RERG: variants seen among roughly 807,000 people sequenced by gnomAD.
RERG encodes ras-related and estrogen-regulated growth inhibitor.
In RERG, 25 loss-of-function variants were observed where a neutral mutation model predicts 23.2. That is an observed-to-expected ratio of 1.08 (90% CI 0.79 to 1.50). The LOEUF (loss-of-function observed/expected upper bound fraction) is 1.50. Among genes scored for constraint, RERG ranks in the 40% most tolerant of loss-of-function variants. The pLI is 0.00. For synonymous variants in RERG, 81 were observed against 89.1 expected, an observed-to-expected ratio of 0.91 and a Z score of 0.51; for missense variants, 253 against 250.1, an observed-to-expected ratio of 1.01 and a Z score of -0.08.
chr12:15,171,691 T>C (rs1159931674), intron 2 of RERG, among the ~76,000 whole-genome samples: 1 of 152,224 alleles, frequency 6.6e-6, no homozygotes, highest in African/African-American at 2.4e-5. Flanking sequence ...TGAAAAGGTC[T>C]TGAAATTTCA....
chr12:15,190,363 T>C (rs1311717269), intron 2 of RERG, among the ~76,000 whole-genome samples: 1 of 152,090 alleles, frequency 6.6e-6, no homozygotes, highest in African/African-American at 2.4e-5. Context: ...GTTTAAGAAT[T>C]TGTTTTGGGC....
chr12:15,115,386 C>T (rs1335114232), intron 3 of RERG, among the ~76,000 whole-genome samples: 14 of 152,030 alleles, frequency 9.2e-5, no homozygotes, highest in Admixed American at 9.2e-4. Flanking sequence ...GGAAGACCAG[C>T]TTTGGAGTTC....
chr12:15,115,149 G>A lies in RERG; in HGVS notation c.119-3732C>T, dbSNP rs115474774. Among the ~76,000 whole-genome samples the A allele has an allele frequency of 6.2e-3, 941 of 151,906 alleles. 8 individuals are homozygous for A. Among genetic ancestry groups the A allele is most frequent in the African/African-American group, 0.022 (898 of 41,480 alleles). ...TTTAAATTTAAAATATATATACACA[G>A]AACACTATTTTTCCTAAGTAAATAT... is the stretch of plus-strand genomic sequence containing the variant. On this transcript the variant is annotated intron_variant, in intron 3 of 4. Transcript: ENST00000256953.
At chr12:15,109,926 T>A (rs1006694312) in intron 4 of RERG, among the ~76,000 whole-genome samples, 1 of 152,174 alleles carries the variant, frequency 6.6e-6, no homozygotes, top group Admixed American at 6.5e-5. Flanking sequence ...AGAATTAGAG[T>A]CAAAATTTAG....
At chr12:15,206,278 T>A (rs972865410) in intron 2 of RERG, among the ~76,000 whole-genome samples, 2 of 152,138 alleles carry the variant, frequency 1.3e-5, no homozygotes, top group African/African-American at 4.8e-5. Context: ...ACATGTGCTC[T>A]GGCCCACAGA....
At chr12:15,161,959 A>G (rs966965092) in intron 2 of RERG, among the ~76,000 whole-genome samples, 1 of 152,186 alleles carries the variant, frequency 6.6e-6, no homozygotes, top group African/African-American at 2.4e-5. Flanking sequence ...TAAGAGGTGG[A>G]GGCAAAATTT....
At chr12:15,177,828 T>G (rs1163754185) in intron 2 of RERG, among the ~76,000 whole-genome samples, 2 of 141,848 alleles carry the variant, frequency 1.4e-5, no homozygotes, top group Non-Finnish European at 3.0e-5. Flanking sequence ...TCTCTCTGGC[T>G]CCCTCTGTTT....
intron 2 of RERG, among the ~76,000 whole-genome samples, chr12:15,213,260 C>T (rs549969907): frequency 1.3e-4 from 20 of 152,272 alleles, no homozygotes; most frequent in East Asian, 3.8e-4. Flanking sequence ...CTGAATAATA[C>T]GACTACAAGA....
intron 2 of RERG, among the ~76,000 whole-genome samples, chr12:15,185,238 G>C (rs1369752541): frequency 6.6e-6 from 1 of 152,118 alleles, no homozygotes; most frequent in African/African-American, 2.4e-5. Context: ...GAAATATTTA[G>C]TTCCTTTGCT....
intron 4 of RERG, among the ~76,000 whole-genome samples, chr12:15,109,738 AG>A (rs1351359599): frequency 6.6e-6 from 1 of 152,088 alleles, no homozygotes; most frequent in Non-Finnish European, 1.5e-5. Context: ...CTAATTTAAT[AG>A]ATTTTAAATT....
At chr12:15,117,920 T>C (rs1863759051) in intron 3 of RERG, among the ~76,000 whole-genome samples, 1 of 152,132 alleles carries the variant, frequency 6.6e-6, no homozygotes, top group Non-Finnish European at 1.5e-5. Context: ...CTTATGAGCT[T>C]CAGTGGTGGT....
chr12:15,188,713 AATAGG>A (rs1368414253), intron 2 of RERG, among the ~76,000 whole-genome samples: 1 of 152,194 alleles, frequency 6.6e-6, no homozygotes, highest in Non-Finnish European at 1.5e-5. Context: ...TTTAGCATGT[AATAGG>A]TGCTCAATAG....
intron 3 of RERG, among the ~76,000 whole-genome samples, chr12:15,116,308 G>C (rs1863720808): frequency 6.6e-6 from 1 of 152,152 alleles, no homozygotes; most frequent in African/African-American, 2.4e-5. Flanking sequence ...ACTGGCATCA[G>C]CCCCAGAGAC....
At chr12:15,122,085 T>C (rs1380273420) in intron 2 of RERG, among the ~76,000 whole-genome samples, 3 of 151,948 alleles carry the variant, frequency 2.0e-5, no homozygotes, top group African/African-American at 4.8e-5. Context: ...AATGAAAGCA[T>C]TGGATCCTTT....
Position 15,156,893 on chromosome 12 carries a change from G to A in RERG, c.62-35774C>T, listed in dbSNP as rs1175235423. Among the ~76,000 whole-genome samples, 3 of 152,118 alleles carry A rather than the reference G, an allele frequency of 2.0e-5. No homozygotes were observed. The South Asian group carries it at 6.2e-4, about 32-fold the overall frequency. On this transcript the variant is annotated intron_variant, in intron 2 of 4. Coordinates refer to ENST00000256953, the MANE Select transcript of RERG (RefSeq NM_032918.3). ...AAGCCTGTATCTGAGCTACAAAATA[G>A]GGATAAAAATAGTGCCTATCTCATA...
chr12:15,197,644 T>C (rs532380249), intron 2 of RERG, among the ~76,000 whole-genome samples: 1 of 152,326 alleles, frequency 6.6e-6, no homozygotes, highest in South Asian at 2.1e-4. Context: ...TGCCTGATAT[T>C]GTATAAAGTA....
intron 2 of RERG, among the ~76,000 whole-genome samples, chr12:15,123,045 C>T (rs1262804832): frequency 6.6e-6 from 1 of 152,134 alleles, no homozygotes; most frequent in East Asian, 1.9e-4. Context: ...GATCTGCCCA[C>T]CTCGGCCTCC....
chr12:15,180,493 C>T (rs967973298), intron 2 of RERG, among the ~76,000 whole-genome samples: 1 of 152,128 alleles, frequency 6.6e-6, no homozygotes, highest in Non-Finnish European at 1.5e-5. Context: ...ACAGGCCCCA[C>T]AGCCAAGCTT....
chr12:15,186,377 C>T (rs1864990810), intron 2 of RERG, among the ~76,000 whole-genome samples: 1 of 151,866 alleles, frequency 6.6e-6, no homozygotes, highest in Admixed American at 6.6e-5. Context: ...TTAACCTTTG[C>T]AGGAAAAATT....
Sources: gnomAD v4.1 joint callset for allele counts (sites outside exome capture counted in the v4.1 genomes callset) on GRCh38, gnomAD v4.1.1 for gene constraint, MANE v1.5 for transcripts, NCBI Gene and HGNC (gene_info 2026-07-23, HGNC 2026-07-21) for gene names.